The following CD2AP variants were observed in gnomAD, a reference collection of about 807,000 sequenced individuals.
CD2AP encodes CD2-associated protein.
Under a neutral mutation model 85.1 loss-of-function variants are expected in CD2AP, and 46 were observed. The ratio of observed to expected loss-of-function variants is 0.54; its 90% CI spans 0.43 to 0.69. The LOEUF (loss-of-function observed/expected upper bound fraction) is 0.69, where lower values mean the gene tolerates loss of function less well. Among genes scored for constraint, CD2AP ranks in the 30% least tolerant of loss-of-function variants. CD2AP has a pLI of 0.00. For missense variants in CD2AP, 769 were observed against 729.5 expected, an observed-to-expected ratio of 1.05 and a Z score of -0.62; for synonymous variants, 255 against 252.9, an observed-to-expected ratio of 1.01 and a Z score of -0.08.
chr6:47,580,930 T>A (rs1022218505), intron 10 of CD2AP, 30 bp downstream of exon 10: 1 of 1,530,426 alleles, frequency 6.5e-7, no homozygotes, highest in African/African-American at 1.4e-5. Context: ...TTCAGTTTGC[T>A]ATTTTCCATT....
At chr6:47,497,009 T>C (rs570877322) in intron 1 of CD2AP, among the ~76,000 whole-genome samples, 1 of 152,322 alleles carries the variant, frequency 6.6e-6, no homozygotes, top group South Asian at 2.1e-4. Flanking sequence ...TTTTCGGAAT[T>C]ATTATCCTTT....
At chr6:47,555,901 T>C (rs1203153442) in intron 5 of CD2AP, among the ~76,000 whole-genome samples, 1 of 152,138 alleles carries the variant, frequency 6.6e-6, no homozygotes, top group Non-Finnish European at 1.5e-5. Flanking sequence ...TAGTTTTTTT[T>C]TTCTTGCTTT....
chr6:47,600,715 TA>T, intron 13 of CD2AP, among the ~76,000 whole-genome samples: 1 of 152,086 alleles, frequency 6.6e-6, no homozygotes, highest in Middle Eastern at 3.4e-3. Flanking sequence ...CCTCATGTTT[TA>T]AAAAATCATT....
In CD2AP at chr6:47,624,676, ACT is replaced by A. The variant is rs200545880; in HGVS notation, c.*452_*453del. On this transcript the variant is annotated 3_prime_UTR_variant, in exon 18 of 18. Coordinates refer to ENST00000359314, the MANE Select transcript of CD2AP (RefSeq NM_012120.3). ...TTTCCATAATGCATAAGGGATATAA[ACT>A]CTGTGTGTGTGTGTGTGTGTGTGTG... 159 of 118,372 alleles carry A rather than the reference ACT, an allele frequency of 1.3e-3. 1 individual carries two copies. The East Asian group carries it at 0.026, about 20-fold the overall frequency. The allele number at this position is 118,372 out of a possible 1,614,324, so 7.3% of individuals were successfully genotyped here. A position where few individuals can be genotyped will look rare whatever the true frequency, so the allele number is the denominator to read the frequency against.
rs70999630 is a variant in CD2AP at position 47,511,073 on chromosome 6, C to CAA, written c.165+7659_165+7660dup. Among the ~76,000 whole-genome samples, 408 of 51,842 alleles carry CAA rather than the reference C, an allele frequency of 7.9e-3. 36 individuals are homozygous for CAA. The highest frequency in any genetic ancestry group is 0.017 in the African/African-American group (179 of 10,292). 34.0% of individuals were successfully genotyped at this position (51,842 alleles called of 152,430 possible). A position where few individuals can be genotyped will look rare whatever the true frequency, so the allele number is the denominator to read the frequency against. ...GGTGACAGAGTGAGACTCTGTGTCT[C>CAA]AAAAAAAAAAAAAAAAAAAAAAAAA... is the stretch of plus-strand genomic sequence containing the variant. On this transcript the variant is annotated intron_variant, in intron 2 of 17. Transcript: ENST00000359314.
intron 5 of CD2AP, among the ~76,000 whole-genome samples, chr6:47,558,159 T>C (rs1261437934): frequency 1.3e-5 from 2 of 152,178 alleles, no homozygotes; most frequent in Non-Finnish European, 2.9e-5. Context: ...ATGCTTGTGA[T>C]TTTTGCTCAT....
At chr6:47,617,345 T>A (rs2114160486) in intron 17 of CD2AP, among the ~76,000 whole-genome samples, 1 of 152,306 alleles carries the variant, frequency 6.6e-6, no homozygotes, top group Middle Eastern at 3.4e-3. Flanking sequence ...ATTCACATTT[T>A]GAATTCATCT....
chr6:47,557,509 A>G (rs1422938714), intron 5 of CD2AP, among the ~76,000 whole-genome samples: 3 of 152,078 alleles, frequency 2.0e-5, no homozygotes, highest in South Asian at 4.1e-4. Context: ...TGTATAAGGT[A>G]TAAGGAAGGG....
At chr6:47,497,148 T>G (rs76211217) in intron 1 of CD2AP, among the ~76,000 whole-genome samples, 1,174 of 68,068 alleles carry the variant, frequency 0.017, 11 homozygotes, top group African/African-American at 0.041. Flanking sequence ...CCATGTCGTG[T>G]TTTTTTTTTA....
At chr6:47,515,038 T>A (rs1766417894) in intron 2 of CD2AP, among the ~76,000 whole-genome samples, 1 of 148,280 alleles carries the variant, frequency 6.7e-6, no homozygotes, top group Non-Finnish European at 1.5e-5. Context: ...GGTGACAGAG[T>A]GAGAGTCCGT....
intron 2 of CD2AP, among the ~76,000 whole-genome samples, chr6:47,508,554 T>G (rs1453289986): frequency 4.7e-5 from 7 of 148,634 alleles, no homozygotes; most frequent in Middle Eastern, 3.4e-3. Flanking sequence ...TTGTTTTTTT[T>G]TTTTTTTTTG....
At chr6:47,539,142 A>T (rs1456817760) in intron 3 of CD2AP, among the ~76,000 whole-genome samples, 1 of 152,196 alleles carries the variant, frequency 6.6e-6, no homozygotes, top group African/African-American at 2.4e-5. Flanking sequence ...TTACTATAAA[A>T]TAGAGATGAT....
At chr6:47,544,291 G>C (rs1414510983) in intron 3 of CD2AP, among the ~76,000 whole-genome samples, 1 of 152,276 alleles carries the variant, frequency 6.6e-6, no homozygotes, top group African/African-American at 2.4e-5. Context: ...TGATGAATTT[G>C]TTGTGCCAGA....
chr6:47,540,056 G>A lies in CD2AP; in HGVS notation c.320-4550G>A, dbSNP rs772380215. On this transcript the variant is annotated intron_variant, in intron 3 of 17. Coordinates refer to ENST00000359314, the MANE Select transcript of CD2AP (RefSeq NM_012120.3). ...AAATTAGCCCAGTATGGTGGTGAGC[G>A]CCTGTGGTCCCAGCTACTTGAGAGG... is the stretch of plus-strand genomic sequence containing the variant. Among the ~76,000 whole-genome samples, 101 of 150,852 alleles carry A rather than the reference G, an allele frequency of 6.7e-4. 1 individual carries two copies. Among genetic ancestry groups the A allele is most frequent in the Admixed American group, 1.5e-3 (22 of 15,136 alleles).
At chr6:47,605,471 G>T (rs1254867802) in intron 13 of CD2AP, among the ~76,000 whole-genome samples, 2 of 151,886 alleles carry the variant, frequency 1.3e-5, no homozygotes, top group Admixed American at 6.6e-5. Context: ...TGATGAGGAA[G>T]TAAGTTGGTA....
chr6:47,612,161 A>G lies in CD2AP; in HGVS notation c.1815-312A>G, dbSNP rs545217518. ...AAATTGCTTGGGCTTTCAGTTTTCC[A>G]ACCTGGAAAATGTATGATAGCCGAA... On this transcript the variant is annotated intron_variant, in intron 16 of 17. Transcript: ENST00000359314. Among the ~76,000 whole-genome samples, 59 of 152,234 alleles carry G rather than the reference A, an allele frequency of 3.9e-4. No homozygotes were observed. The South Asian group carries it at 0.012, about 30-fold the overall frequency.
In CD2AP at chr6:47,626,083, G is replaced by A. The variant is rs1259639128; in HGVS notation, c.*1856G>A. The A allele has an allele frequency of 6.6e-6, 1 of 151,882 alleles. No homozygotes were observed. The highest frequency in any genetic ancestry group is 1.5e-5 in the Non-Finnish European group (1 of 67,818). 9.4% of individuals were successfully genotyped at this position (151,882 alleles called of 1,614,324 possible). A position where few individuals can be genotyped will look rare whatever the true frequency, so the allele number is the denominator to read the frequency against. On this transcript the variant is annotated 3_prime_UTR_variant, in exon 18 of 18. Transcript: ENST00000359314. ...TTCTCACCTGAAAATCTATTGAAGT[G>A]ATCCCTGGTCATCCTAATAATGGGA... is the stretch of plus-strand genomic sequence containing the variant.
At chr6:47,588,514 G>A (rs1022989752) in intron 11 of CD2AP, among the ~76,000 whole-genome samples, 2 of 152,130 alleles carry the variant, frequency 1.3e-5, no homozygotes, top group Admixed American at 6.6e-5. Flanking sequence ...TATTTAGCTA[G>A]ATAATGGTGG....
intron 2 of CD2AP, among the ~76,000 whole-genome samples, chr6:47,504,276 G>T (rs1189757693): frequency 6.6e-6 from 1 of 152,236 alleles, no homozygotes; most frequent in Non-Finnish European, 1.5e-5. Context: ...GAAGGTTAGA[G>T]TATGTATCTC....
Sources: allele counts gnomAD v4.1 joint callset (sites outside exome capture counted in the v4.1 genomes callset), GRCh38; gene constraint gnomAD v4.1.1; transcripts MANE v1.5; gene names NCBI Gene and HGNC (gene_info 2026-07-23, HGNC 2026-07-21).